Variants in CA10 observed in about 807,000 individuals in gnomAD.
CA10 encodes carbonic anhydrase-related protein 10.
In CA10, 14 loss-of-function variants were observed where a neutral mutation model predicts 44.2. The observed-to-expected ratio is 0.32, with a 90% confidence interval of 0.21 to 0.50. CA10 has a LOEUF of 0.50. CA10 is among the 20% of genes least tolerant of loss of function. CA10 has a pLI of 0.99. For synonymous variants in CA10, 159 were observed against 141.6 expected (o/e 1.12, Z -0.87); for missense variants, 350 against 409.7 (o/e 0.85, Z 1.26).
chr17:51,724,985 C>T (rs1598010873), intron 4 of CA10, among the ~76,000 whole-genome samples: 1 of 152,210 alleles, frequency 6.6e-6, no homozygotes, highest in East Asian at 1.9e-4. Context: ...TTTTATGGTC[C>T]TCAACAGTCA....
chr17:51,889,878 A>G (rs978708852), intron 3 of CA10, among the ~76,000 whole-genome samples: 1 of 152,206 alleles, frequency 6.6e-6, no homozygotes, highest in Non-Finnish European at 1.5e-5. Flanking sequence ...CATTAGCTGA[A>G]CACCCACTGG....
intron 3 of CA10, among the ~76,000 whole-genome samples, chr17:51,899,415 G>A (rs1435304106): frequency 6.6e-6 from 1 of 152,112 alleles, no homozygotes; most frequent in Non-Finnish European, 1.5e-5. Flanking sequence ...TGGGGTATGA[G>A]AGTGTGGTTG....
intron 8 of CA10, among the ~76,000 whole-genome samples, chr17:51,631,946 C>T (rs1471243975): frequency 6.6e-6 from 1 of 152,210 alleles, no homozygotes; most frequent in African/African-American, 2.4e-5. Flanking sequence ...GCAGGATAGT[C>T]ATCAACCTAT....
intron 2 of CA10, among the ~76,000 whole-genome samples, chr17:52,045,164 A>C (rs1464827627): frequency 6.6e-6 from 1 of 151,850 alleles, no homozygotes; most frequent in Non-Finnish European, 1.5e-5. Flanking sequence ...ATGCAATATC[A>C]AATACAGAAA....
At chr17:51,992,938 G>A (rs1353492255) in intron 2 of CA10, among the ~76,000 whole-genome samples, 1 of 152,064 alleles carries the variant, frequency 6.6e-6, no homozygotes, top group Non-Finnish European at 1.5e-5. Context: ...AATTATTCGC[G>A]ATAAAATTCG....
In CA10 at chr17:51,834,852, A is replaced by G. The variant is rs995430488; in HGVS notation, c.280-87034T>C. ...TTAGTGGGGACTAGAGGTAATGGCA[A>G]CCATCCTAGTGTCATGCAAAAGCAG... is the stretch of plus-strand genomic sequence containing the variant. On this transcript the variant is annotated intron_variant, in intron 3 of 8. Coordinates refer to ENST00000451037, the MANE Select transcript of CA10 (RefSeq NM_020178.5). Among the ~76,000 whole-genome samples, 9 of 152,184 alleles carry G rather than the reference A, an allele frequency of 5.9e-5. No individual in the cohort carries two copies. The East Asian group carries it at 1.7e-3, about 29-fold the overall frequency.
At chr17:51,691,336 A>G (rs1034445020) in intron 4 of CA10, among the ~76,000 whole-genome samples, 12 of 152,212 alleles carry the variant, frequency 7.9e-5, no homozygotes, top group Non-Finnish European at 1.8e-4. Context: ...GGGATGTTGA[A>G]CATTTTTTCA....
chr17:52,095,446 A>G (rs373654384), intron 1 of CA10, among the ~76,000 whole-genome samples: 40 of 152,240 alleles, frequency 2.6e-4, no homozygotes, highest in African/African-American at 9.2e-4. Flanking sequence ...CTGTACAATT[A>G]AGATTTGTGC....
rs183161012 is a variant in CA10, at chr17:51,836,284, C to T, written c.280-88466G>A. On this transcript the variant is annotated intron_variant, in intron 3 of 8. Transcript: ENST00000451037. ...TTCTCACTGCCATTTTAGGTAAACACACTCTTAAGAAAAACTGTCATTACT... is the reference window on the plus strand; with the variant it reads ...TTCTCACTGCCATTTTAGGTAAACATACTCTTAAGAAAAACTGTCATTACT... Among the ~76,000 whole-genome samples the T allele has an allele frequency of 3.3e-5, 5 of 152,344 alleles. No individual in the cohort carries two copies. The East Asian group carries it at 9.6e-4, about 29-fold the overall frequency.
chr17:52,145,684 T>C lies in CA10; in HGVS notation c.61+12042A>G, dbSNP rs193040397. ...ATAACATCTTGAATCCCATAGCTAT[T>C]TAGGTTTGTTTAATAGATTTTGAGG... is the stretch of plus-strand genomic sequence containing the variant. On this transcript the variant is annotated intron_variant, in intron 1 of 8. Transcript: ENST00000451037. Among the ~76,000 whole-genome samples the C allele has an allele frequency of 1.3e-3, 200 of 152,310 alleles. 1 individual carries two copies. The highest frequency in any genetic ancestry group is 4.7e-3 in the African/African-American group (194 of 41,572).
chr17:51,879,061 G>T (rs1980246314), intron 3 of CA10, among the ~76,000 whole-genome samples: 1 of 150,596 alleles, frequency 6.6e-6, no homozygotes, highest in South Asian at 2.1e-4. Context: ...ATATAACTTT[G>T]TGACTTTCCT....
intron 4 of CA10, among the ~76,000 whole-genome samples, chr17:51,686,117 T>C (rs929039084): frequency 3.9e-5 from 6 of 152,188 alleles, no homozygotes; most frequent in Middle Eastern, 3.2e-3. Context: ...CATACTGTTC[T>C]TGTGGTAGTG....
intron 3 of CA10, among the ~76,000 whole-genome samples, chr17:51,798,792 C>A (rs1004982069): frequency 1.3e-5 from 2 of 152,226 alleles, no homozygotes; most frequent in African/African-American, 4.8e-5. Context: ...CAGGGCAGGA[C>A]TTGAGAGGAA....
chr17:52,038,852 A>G (rs932936379), intron 2 of CA10, among the ~76,000 whole-genome samples: 3 of 152,140 alleles, frequency 2.0e-5, no homozygotes, highest in Non-Finnish European at 4.4e-5. Flanking sequence ...CATGATTGCA[A>G]TTAAGACTTG....
At chr17:51,783,189 T>A (rs1906127565) in intron 3 of CA10, among the ~76,000 whole-genome samples, 1 of 152,142 alleles carries the variant, frequency 6.6e-6, no homozygotes, top group South Asian at 2.1e-4. Context: ...GGGACAATGA[T>A]AAGCAGGGTA....
At chr17:52,129,646 A>G (rs1567742854) in intron 1 of CA10, among the ~76,000 whole-genome samples, 1 of 152,240 alleles carries the variant, frequency 6.6e-6, no homozygotes, top group Non-Finnish European at 1.5e-5. Flanking sequence ...ATAGTACTAA[A>G]TAGTAATAAA....
intron 4 of CA10, among the ~76,000 whole-genome samples, chr17:51,706,885 G>A (rs1915778078): frequency 6.6e-6 from 1 of 152,064 alleles, no homozygotes; most frequent in Admixed American, 6.6e-5. Flanking sequence ...TTGTTCATAT[G>A]TCACATTCTA....
chr17:52,156,942 C>A (rs1598245270), intron 1 of CA10, among the ~76,000 whole-genome samples: 1 of 152,140 alleles, frequency 6.6e-6, no homozygotes, highest in Non-Finnish European at 1.5e-5. Flanking sequence ...AGACAGTGCT[C>A]AAAAACCAGA....
chr17:51,809,306 A>C (rs1012257701), intron 3 of CA10, among the ~76,000 whole-genome samples: 12 of 152,206 alleles, frequency 7.9e-5, no homozygotes, highest in Admixed American at 4.6e-4. Flanking sequence ...TGTGTCAGGC[A>C]CTGTGTTCAA....
Sources: gnomAD v4.1 joint callset for allele counts (sites outside exome capture counted in the v4.1 genomes callset) on GRCh38, gnomAD v4.1.1 for gene constraint, MANE v1.5 for transcripts, NCBI Gene and HGNC (gene_info 2026-07-23, HGNC 2026-07-21) for gene names.